Variants in LIMA1 observed in about 807,000 individuals in gnomAD.
LIMA1 encodes LIM domain and actin-binding protein 1.
A neutral mutation model predicts 62.6 loss-of-function variants in LIMA1; 52 were observed. The observed-to-expected ratio is 0.83, with a 90% confidence interval of 0.67 to 1.05. LIMA1 has a LOEUF of 1.05. LIMA1 is among the 50% of genes least tolerant of loss of function. The probability of loss-of-function intolerance (pLI) is 0.00; values close to 1 mark genes in which losing one functional copy is unlikely to be tolerated. For synonymous variants in LIMA1, 302 were observed against 317.8 expected (o/e 0.95, Z 0.53); for missense variants, 780 against 902.2 (o/e 0.86, Z 1.74).
intron 1 of LIMA1, chr12:50,256,275 T>A (rs1941996451): frequency 6.6e-6 from 1 of 152,074 alleles, no homozygotes; most frequent in African/African-American, 2.4e-5. Flanking sequence ...TGTGTTAACT[T>A]CACACAGGGA....
chr12:50,282,798 C>T (rs1323443834), intron 1 of LIMA1, among the ~76,000 whole-genome samples: 1 of 152,220 alleles, frequency 6.6e-6, no homozygotes, highest in East Asian at 1.9e-4. Context: ...TCGTTCCTAG[C>T]AGCTACAACT....
chr12:50,253,508 G>A (rs572497808), intron 1 of LIMA1, among the ~76,000 whole-genome samples: 12 of 152,228 alleles, frequency 7.9e-5, no homozygotes, highest in Non-Finnish European at 1.5e-4. Context: ...GATTAAAACC[G>A]CCACTTTTAG....
intron 1 of LIMA1, among the ~76,000 whole-genome samples, chr12:50,278,548 T>C (rs1434292481): frequency 2.0e-5 from 3 of 152,210 alleles, no homozygotes; most frequent in African/African-American, 7.2e-5. Context: ...GCAGGTTTAG[T>C]ATTTTTAAAT....
At chr12:50,230,217 T>C (rs1290980746) in intron 3 of LIMA1, among the ~76,000 whole-genome samples, 1 of 152,070 alleles carries the variant, frequency 6.6e-6, no homozygotes, top group Non-Finnish European at 1.5e-5. Flanking sequence ...GTATTTTTAG[T>C]GGAGACAAGG....
intron 9 of LIMA1, 65 bp from the exon 10 acceptor site, chr12:50,182,102 C>T (rs960860228): frequency 1.4e-5 from 22 of 1,577,348 alleles, no homozygotes; most frequent in Non-Finnish European, 1.8e-5. Flanking sequence ...TTGAGATGGA[C>T]CCTAGAATTT....
chr12:50,242,318 T>C (rs1592549121), intron 2 of LIMA1, among the ~76,000 whole-genome samples: 1 of 151,758 alleles, frequency 6.6e-6, no homozygotes. Flanking sequence ...TTTTTCTTAT[T>C]GAAGGAAGAA....
At chr12:50,193,739 A>AC (rs1940861430) in intron 8 of LIMA1, among the ~76,000 whole-genome samples, 2 of 128,030 alleles carry the variant, frequency 1.6e-5, no homozygotes, top group South Asian at 4.8e-4. Flanking sequence ...ATCTCGGCTC[A>AC]CTGCAACCTC....
intron 1 of LIMA1, 133 bp from the exon 2 acceptor site, chr12:50,248,907 C>T (rs1941889477): frequency 1.7e-6 from 1 of 593,980 alleles, no homozygotes; most frequent in Non-Finnish European, 3.0e-6. Flanking sequence ...ACTGTGTAAC[C>T]TTGGTCAAAT....
chr12:50,242,776 T>C (rs972010417), intron 2 of LIMA1, among the ~76,000 whole-genome samples: 2 of 152,148 alleles, frequency 1.3e-5, no homozygotes, highest in African/African-American at 4.8e-5. Flanking sequence ...CAAAGCAGGA[T>C]TGCTGGAATG....
Position 50,261,042 on chromosome 12 carries a change from A to ATATTTTTTTTTTTT in LIMA1, c.-23-12269_-23-12268insAAAAAAAAAAAATA, listed in dbSNP as rs1383547189. Among the ~76,000 whole-genome samples, 32 of 54,288 alleles carry ATATTTTTTTTTTTT rather than the reference A, an allele frequency of 5.9e-4. 3 individuals carry two copies. Among genetic ancestry groups the ATATTTTTTTTTTTT allele is most frequent in the East Asian group, 3.4e-3 (3 of 878 alleles). The allele number at this position is 54,288 out of a possible 152,430, so 35.6% of individuals were successfully genotyped here. ...CTTTTGCTTTTCTGCCATCTAGTAT[A>ATATTTTTTTTTTTT]TTTTTTTTTTTTTTTTTTTTTTTTT... is the stretch of plus-strand genomic sequence containing the variant. On this transcript the variant is annotated intron_variant, in intron 1 of 10. Coordinates refer to ENST00000341247, the MANE Select transcript of LIMA1 (RefSeq NM_016357.5).
intron 8 of LIMA1, among the ~76,000 whole-genome samples, chr12:50,194,786 G>A (rs886504522): frequency 2.0e-5 from 3 of 151,956 alleles, no homozygotes; most frequent in Non-Finnish European, 2.9e-5. Flanking sequence ...GGTGGCTCAC[G>A]CCTGTAATCC....
intron 2 of LIMA1, among the ~76,000 whole-genome samples, chr12:50,233,861 T>C (rs1273702598): frequency 6.6e-6 from 1 of 152,184 alleles, no homozygotes; most frequent in Non-Finnish European, 1.5e-5. Flanking sequence ...AAAAATGTCT[T>C]TTAAAAGATC....
chr12:50,268,380 C>T (rs985613747), intron 1 of LIMA1, among the ~76,000 whole-genome samples: 1 of 152,098 alleles, frequency 6.6e-6, no homozygotes, highest in Non-Finnish European at 1.5e-5. Context: ...GGAATCTGAA[C>T]CTCTCATATG....
chr12:50,208,145 T>C, intron 4 of LIMA1, among the ~76,000 whole-genome samples: 1 of 151,856 alleles, frequency 6.6e-6, no homozygotes, highest in Non-Finnish European at 1.5e-5. Context: ...CCCAGGAGTT[T>C]GAGACCAGCT....
intron 1 of LIMA1, among the ~76,000 whole-genome samples, chr12:50,254,593 C>T (rs1052083579): frequency 1.3e-5 from 2 of 152,084 alleles, no homozygotes; most frequent in African/African-American, 4.8e-5. Flanking sequence ...AAAGATCTCT[C>T]GAACAAAGGT....
At chr12:50,238,328 G>A (rs757972160) in intron 2 of LIMA1, among the ~76,000 whole-genome samples, 7 of 151,960 alleles carry the variant, frequency 4.6e-5, no homozygotes, top group African/African-American at 7.3e-5. Flanking sequence ...CCAACATGAC[G>A]AAACCTTGTC....
intron 1 of LIMA1, among the ~76,000 whole-genome samples, chr12:50,279,067 A>G (rs548538123): frequency 4.9e-4 from 71 of 146,210 alleles, no homozygotes; most frequent in African/African-American, 1.7e-3. Context: ...GTGCAGTGGC[A>G]TGAGCTTGGC....
intron 1 of LIMA1, among the ~76,000 whole-genome samples, chr12:50,277,808 C>G (rs1249131160): frequency 6.6e-6 from 1 of 151,988 alleles, no homozygotes; most frequent in Non-Finnish European, 1.5e-5. Context: ...TAAAAGAATA[C>G]CAAACAAAAA....
At chr12:50,192,978 C>CTGTGTGTGTGTG (rs558118348) in intron 8 of LIMA1, among the ~76,000 whole-genome samples, 15 of 145,220 alleles carry the variant, frequency 1.0e-4, no homozygotes, top group African/African-American at 3.8e-4. Context: ...ATTTTGTACT[C>CTGTGTGTGTGTG]TGTGTGTGTG....
Sources: gnomAD v4.1 joint callset for allele counts (sites outside exome capture counted in the v4.1 genomes callset) on GRCh38, gnomAD v4.1.1 for gene constraint, MANE v1.5 for transcripts, NCBI Gene and HGNC (gene_info 2026-07-23, HGNC 2026-07-21) for gene names.